The following TTLL1 variants were observed in gnomAD, a reference collection of about 807,000 sequenced individuals.
TTLL1 encodes the protein TTL family tubulin polyglutamylase complex subunit L1.
Under a neutral mutation model 47.8 loss-of-function variants are expected in TTLL1, and 33 were observed. That is an observed-to-expected ratio of 0.69 (90% CI 0.52 to 0.92). The LOEUF (loss-of-function observed/expected upper bound fraction) is 0.92, where lower values mean the gene tolerates loss of function less well. TTLL1 is among the 40% of genes least tolerant of loss of function. TTLL1 has a pLI of 0.00. For missense variants in TTLL1, 488 were observed against 547.5 expected (o/e 0.89, Z 1.08); for synonymous variants, 225 against 214.1 (o/e 1.05, Z -0.45).
chr22:43,058,973 G>A lies in TTLL1; in HGVS notation c.891+411C>T, dbSNP rs183674581. ...CTCCCAGCGTGCTGGGATTACAGGC[G>A]TTAACCAACGCGCCCAGCCTGTTTT... On this transcript the variant is annotated intron_variant, in intron 8 of 10. Coordinates refer to ENST00000266254, the MANE Select transcript of TTLL1 (RefSeq NM_012263.5). Among the ~76,000 whole-genome samples the A allele has an allele frequency of 2.3e-3, 355 of 151,590 alleles. 3 individuals are homozygous for A. The highest frequency in any genetic ancestry group is 3.5e-4 in the Non-Finnish European group (24 of 67,874).
intron 5 of TTLL1, among the ~76,000 whole-genome samples, chr22:43,065,786 A>AG (rs1234946865): frequency 6.6e-6 from 1 of 152,014 alleles, no homozygotes; most frequent in East Asian, 1.9e-4. Context: ...GATGCTGATA[A>AG]GGGGGGAGGC....
intron 1 of TTLL1, among the ~76,000 whole-genome samples, chr22:43,082,251 A>G (rs1159530002): frequency 6.6e-6 from 1 of 151,748 alleles, no homozygotes; most frequent in Non-Finnish European, 1.5e-5. Context: ...TGGGCTTGAT[A>G]TCATCACCAA....
chr22:43,074,861 A>C (rs1479372226), intron 3 of TTLL1, among the ~76,000 whole-genome samples: 1 of 151,920 alleles, frequency 6.6e-6, no homozygotes, highest in East Asian at 1.9e-4. Flanking sequence ...GCAACATAGC[A>C]AGACCCTGTC....
chr22:43,063,842 G>T lies in TTLL1; in HGVS notation c.718C>A (p.Leu240Ile), dbSNP rs2146975277. 2 of 1,614,040 alleles carry T rather than the reference G, an allele frequency of 1.2e-6. No individual in the cohort carries two copies. The highest frequency in any genetic ancestry group is 8.5e-7 in the Non-Finnish European group (1 of 1,179,940). Residue 240 changes from leucine (L) to isoleucine (I), a missense_variant, in exon 7 of 11, where the codon CTC becomes ATC. Leu to Ile is a conservative substitution (Grantham distance 5). Transcript: ENST00000266254. ...TGTTTCTGGATGGCGACGTTGGTGA[G>T]ATGAACGAACATGTTGTCCAGCTCA... ...TSELDNMFVH[L>I]TNVAIQKHGE...
intron 1 of TTLL1, among the ~76,000 whole-genome samples, chr22:43,088,324 C>CCTTTTTTTTTTTTTTTTTTTT (rs1929375639): frequency 1.8e-5 from 1 of 56,468 alleles, no homozygotes; most frequent in African/African-American, 7.3e-5. Flanking sequence ...AAGGGCCCAT[C>CCTTTTTTTTTTTTTTTTTTTT]TTTTTTTTTT....
intron 1 of TTLL1, among the ~76,000 whole-genome samples, chr22:43,088,826 C>G (rs1006975045): frequency 6.6e-6 from 1 of 152,152 alleles, no homozygotes; most frequent in Non-Finnish European, 1.5e-5. Flanking sequence ...CCCCGCCCTG[C>G]CCTCTTAGCT....
At chr22:43,065,595 T>A (rs1927678337) in intron 5 of TTLL1, among the ~76,000 whole-genome samples, 1 of 151,208 alleles carries the variant, frequency 6.6e-6, no homozygotes, top group African/African-American at 2.4e-5. Flanking sequence ...GGCCAAATTT[T>A]TTTTTTTGAG....
At chr22:43,045,470 A>ATTTTTTTTTT (rs57003421) in intron 10 of TTLL1, among the ~76,000 whole-genome samples, 5 of 107,976 alleles carry the variant, frequency 4.6e-5, no homozygotes, top group Non-Finnish European at 5.3e-5. Flanking sequence ...TATTATACCC[A>ATTTTTTTTTT]TTTTTTTTTT....
At chr22:43,044,350 C>T (rs1418545426) in intron 10 of TTLL1, among the ~76,000 whole-genome samples, 3 of 152,110 alleles carry the variant, frequency 2.0e-5, no homozygotes, top group Non-Finnish European at 4.4e-5. Flanking sequence ...CCCCTTGCAC[C>T]TGCTCCTCCT....
intron 5 of TTLL1, among the ~76,000 whole-genome samples, chr22:43,066,750 G>A (rs1927764694): frequency 6.6e-6 from 1 of 151,862 alleles, no homozygotes; most frequent in African/African-American, 2.4e-5. Context: ...AGCACTTTGG[G>A]AGGCCAAGGT....
intron 1 of TTLL1, among the ~76,000 whole-genome samples, chr22:43,080,656 A>G (rs1168779679): frequency 6.6e-6 from 1 of 151,706 alleles, no homozygotes; most frequent in African/African-American, 2.4e-5. Flanking sequence ...GCCCCTCTGC[A>G]CTGCCTCTTC....
At chr22:43,073,354 T>C (rs1016246418) in intron 3 of TTLL1, among the ~76,000 whole-genome samples, 1 of 147,040 alleles carries the variant, frequency 6.8e-6, no homozygotes, top group African/African-American at 2.6e-5. Context: ...TTTATTTATT[T>C]ATTTATTTAT....
chr22:43,046,651 T>C (rs1392535082), intron 9 of TTLL1, 78 bp from the exon 10 acceptor site: 10 of 1,515,432 alleles, frequency 6.6e-6, no homozygotes, highest in Non-Finnish European at 9.1e-6. Context: ...CAGAAGGAGA[T>C]GCTGGCTGCT....
intron 1 of TTLL1, among the ~76,000 whole-genome samples, chr22:43,088,800 T>C (rs796290001): frequency 1.5e-4 from 23 of 152,176 alleles, no homozygotes; most frequent in African/African-American, 5.1e-4. Flanking sequence ...AGCTACTCTA[T>C]GGAAAAGGAT....
rs1927594625 is a variant in TTLL1 at position 43,064,409 on chromosome 22, C to A, written c.504-85G>T. 5 of 1,458,988 alleles carry A rather than the reference C, an allele frequency of 3.4e-6. No individual in the cohort carries two copies. In the Admixed American group the frequency reaches 1.2e-4, roughly 34 times the overall value. 90.4% of individuals were successfully genotyped at this position (1,458,988 alleles called of 1,614,324 possible). On this transcript the variant is annotated intron_variant, in intron 5 of 10. Transcript: ENST00000266254. The stretch of plus-strand genomic sequence containing the variant: ...TCCAAGAAAGGAATAACTGATAAGC[C>A]GGACTTCATTAAAATTAAAAAATTA...
intron 10 of TTLL1, among the ~76,000 whole-genome samples, chr22:43,041,774 C>T (rs1601646448): frequency 6.6e-6 from 1 of 152,160 alleles, no homozygotes; most frequent in East Asian, 1.9e-4. Flanking sequence ...CCTCGGTCTC[C>T]CAAAGTGCTG....
intron 7 of TTLL1, among the ~76,000 whole-genome samples, chr22:43,062,980 C>T (rs963192256): frequency 3.3e-5 from 5 of 152,172 alleles, no homozygotes; most frequent in African/African-American, 1.2e-4. Context: ...AAATACCTCA[C>T]ATAATTTATT....
chr22:43,078,239 C>T (rs1928637129), intron 2 of TTLL1, among the ~76,000 whole-genome samples: 2 of 151,914 alleles, frequency 1.3e-5, no homozygotes, highest in Admixed American at 1.3e-4. Flanking sequence ...CTCATGTCTA[C>T]AATCCCAGCA....
At chr22:43,079,405 C>T (rs989593510) in intron 2 of TTLL1, among the ~76,000 whole-genome samples, 3 of 151,598 alleles carry the variant, frequency 2.0e-5, no homozygotes, top group Non-Finnish European at 2.9e-5. Context: ...CATCCCAGAG[C>T]GTGAGCCGAT....
Sources: gnomAD v4.1 joint callset for allele counts (sites outside exome capture counted in the v4.1 genomes callset) on GRCh38, gnomAD v4.1.1 for gene constraint, MANE v1.5 for transcripts, NCBI Gene and HGNC (gene_info 2026-07-23, HGNC 2026-07-21) for gene names.